DACT2: variants seen among roughly 807,000 people sequenced by gnomAD.
DACT2 encodes the protein dishevelled binding antagonist of beta catenin 2, also known as dapper homolog 2.
In DACT2, 20 loss-of-function variants were observed where a neutral mutation model predicts 22.2. The observed-to-expected ratio is 0.90, with a 90% CI of 0.63 to 1.31. DACT2 has a LOEUF of 1.31. Among genes scored for constraint, DACT2 ranks in the 50% most tolerant of loss-of-function variants. The probability of loss-of-function intolerance (pLI) is 0.00; values close to 1 mark genes in which losing one functional copy is unlikely to be tolerated. For synonymous variants in DACT2, 463 were observed against 479.8 expected (o/e 0.96, Z 0.46); for missense variants, 1,048 against 1,061.4 (o/e 0.99, Z 0.18).
intron 3 of DACT2, among the ~76,000 whole-genome samples, chr6:168,294,987 G>A (rs1404900345): frequency 2.6e-5 from 4 of 152,182 alleles, no homozygotes; most frequent in African/African-American, 4.8e-5. Flanking sequence ...TCACAGCACC[G>A]AGTCTTGCTT....
chr6:168,313,699 AG>A (rs555609213), intron 1 of DACT2, among the ~76,000 whole-genome samples: 62 of 152,280 alleles, frequency 4.1e-4, no homozygotes, highest in African/African-American at 1.4e-3. Flanking sequence ...AACGTTTAAA[AG>A]GATCTAAGTG....
At chr6:168,297,865 G>A (rs151148035) in intron 3 of DACT2, among the ~76,000 whole-genome samples, 206 of 152,378 alleles carry the variant, frequency 1.4e-3, no homozygotes, top group Admixed American at 2.0e-3. Flanking sequence ...AGGGCAGCAC[G>A]GGGCAGACAC....
At chr6:168,311,615 AACAC>A (rs199973638) in intron 1 of DACT2, among the ~76,000 whole-genome samples, 4 of 48,228 alleles carry the variant, frequency 8.3e-5, no homozygotes, top group Non-Finnish European at 1.2e-4. Flanking sequence ...CACTCACACA[AACAC>A]ACACACACCC....
At chr6:168,313,663 TA>T (rs1779477378) in intron 1 of DACT2, among the ~76,000 whole-genome samples, 1 of 152,150 alleles carries the variant, frequency 6.6e-6, no homozygotes, top group African/African-American at 2.4e-5. Flanking sequence ...GACAGAAAAT[TA>T]AGTTCCTTTG....
chr6:168,308,028 C>T lies in DACT2; in HGVS notation c.1729G>A (p.Val577Met). The change falls in exon 4 of 4, where the codon GTG becomes ATG. Residue 577 changes from valine to methionine, a missense_variant. Val to Met is a conservative substitution (Grantham distance 21, BLOSUM62 1). Coordinates refer to ENST00000366795, the MANE Select transcript of DACT2 (RefSeq NM_214462.5). Reference protein sequence around the residue: ...YPMPVLVPLAVAPQESHRTSA... With the variant: ...YPMPVLVPLAMAPQESHRTSA... ...GTCCGGTGGCTCTCCTGCGGGGCCACTGCCAAGGGGACGAGGACAGGCATG... is the reference window on the plus strand; with the variant it reads ...GTCCGGTGGCTCTCCTGCGGGGCCATTGCCAAGGGGACGAGGACAGGCATG... 1 of 1,549,906 alleles carries T rather than the reference C, an allele frequency of 6.5e-7. No individual in the cohort carries two copies. The highest frequency in any genetic ancestry group is 1.2e-5 in the South Asian group (1 of 83,796).
At chr6:168,304,964 G>A (rs766110601), downstream of DACT2, among the ~76,000 whole-genome samples, 5 of 152,238 alleles carry the variant, frequency 3.3e-5, no homozygotes, top group Admixed American at 6.5e-5. Flanking sequence ...CTACTGGAGA[G>A]TAGAAGAGCA....
chr6:168,319,523 G>A lies in DACT2; in HGVS notation c.111C>T (p.Ala37=). The A allele has an allele frequency of 2.2e-6, 3 of 1,357,822 alleles. No individual in the cohort carries two copies. Among genetic ancestry groups the A allele is most frequent in the Non-Finnish European group, 2.9e-6 (3 of 1,046,950 alleles). 84.1% of individuals were successfully genotyped at this position (1,357,822 alleles called of 1,614,324 possible). Residue 37 remains alanine (A), a synonymous_variant, in exon 1 of 4, where the codon GCC becomes GCT. Coordinates refer to ENST00000366795, the MANE Select transcript of DACT2 (RefSeq NM_214462.5). ...CGCCCCGTACCCGCTCCTGCTGCGTGGCTCGCAGCCCCTGCAGCTCCTGCA... is the reference window on the plus strand; with the variant it reads ...CGCCCCGTACCCGCTCCTGCTGCGTAGCTCGCAGCCCCTGCAGCTCCTGCA... ...AGLQELQGLR[A]TQQERVRGAL...
chr6:168,314,382 G>A (rs1200939008), intron 1 of DACT2, among the ~76,000 whole-genome samples: 1 of 152,120 alleles, frequency 6.6e-6, no homozygotes, highest in Non-Finnish European at 1.5e-5. Flanking sequence ...CCAGGCAGTG[G>A]GATCAGCTGG....
At chr6:168,315,976 G>A (rs1213228570) in intron 1 of DACT2, among the ~76,000 whole-genome samples, 1 of 152,170 alleles carries the variant, frequency 6.6e-6, no homozygotes, top group Non-Finnish European at 1.5e-5. Flanking sequence ...TAAGCCCTGG[G>A]CTGATGTCAC....
intron 3 of DACT2, among the ~76,000 whole-genome samples, chr6:168,297,135 A>T (rs1779022368): frequency 1.3e-5 from 2 of 152,216 alleles, no homozygotes; most frequent in Non-Finnish European, 2.9e-5. Flanking sequence ...AAGGCCTGAC[A>T]ATACCATGTT....
chr6:168,309,171 G>T, intron 3 of DACT2, 73 bp from the exon 4 acceptor site: 2 of 1,441,920 alleles, frequency 1.4e-6, no homozygotes, highest in Non-Finnish European at 1.8e-6. Flanking sequence ...CATTTCATGC[G>T]TGGCAGCTGG....
At chr6:168,311,947 G>T (rs866118082) in intron 1 of DACT2, among the ~76,000 whole-genome samples, 1 of 152,052 alleles carries the variant, frequency 6.6e-6, no homozygotes, top group Admixed American at 6.5e-5. Context: ...CCTTTCACTC[G>T]GCCGCCTCTG....
exon 6 of DACT2, chr6:168,292,936 T>C (rs1038732673): frequency 1.3e-5 from 2 of 152,194 alleles, no homozygotes; most frequent in Admixed American, 6.5e-5. Flanking sequence ...GAGTATTATA[T>C]GAAAGAAATT....
In DACT2 at chr6:168,307,453, C is replaced by G. The variant is rs1306409638; in HGVS notation, c.2304G>C (p.Leu768=). ...KKIRRFQPTA[L]KVMTMV ...CACCTCACACCATGGTCATGACCTT[C>G]AGGGCCGTCGGCTGGAACCTGCGGA... is the stretch of plus-strand genomic sequence containing the variant. Residue 768 remains leucine (L), a synonymous_variant, in exon 4 of 4, where the codon CTG becomes CTC. Coordinates refer to ENST00000366795, the MANE Select transcript of DACT2 (RefSeq NM_214462.5). The surrounding 1 kb of genome is among the most constrained non-coding windows in gnomAD (Gnocchi z 5.3). The G allele has an allele frequency of 6.4e-7, 1 of 1,551,712 alleles. No individual in the cohort carries two copies. The highest frequency in any genetic ancestry group is 2.4e-5 in the East Asian group (1 of 40,894).
At chr6:168,306,849 A>T, downstream of DACT2, 1 of 978,362 alleles carries the variant, frequency 1.0e-6, no homozygotes, top group Non-Finnish European at 1.2e-6. Flanking sequence ...ATGGGCAGGC[A>T]TGATGATTAT....
At chr6:168,310,114 C>T in intron 3 of DACT2, 54 bp downstream of exon 3, 1 of 1,540,798 alleles carries the variant, frequency 6.5e-7, no homozygotes. Flanking sequence ...GGACTGCACT[C>T]TGCCATCCCC....
chr6:168,312,244 G>A (rs1332425546), intron 1 of DACT2, among the ~76,000 whole-genome samples: 1 of 152,188 alleles, frequency 6.6e-6, no homozygotes, highest in Non-Finnish European at 1.5e-5. Flanking sequence ...TGCCCAGGCT[G>A]GAGTGCAGTG....
At chr6:168,314,157 T>C (rs1056480935) in intron 1 of DACT2, among the ~76,000 whole-genome samples, 1 of 152,172 alleles carries the variant, frequency 6.6e-6, no homozygotes, top group Non-Finnish European at 1.5e-5. Flanking sequence ...AGGCCAGCCC[T>C]AGAGCGTGAT....
intron 3 of DACT2, among the ~76,000 whole-genome samples, chr6:168,295,744 A>G (rs771863124): frequency 6.6e-6 from 1 of 152,226 alleles, no homozygotes; most frequent in Admixed American, 6.5e-5. Context: ...TGTGATCCAC[A>G]CAGGTATAAA....
Sources: allele counts gnomAD v4.1 joint callset (sites outside exome capture counted in the v4.1 genomes callset), GRCh38; gene constraint gnomAD v4.1.1; non-coding constraint Gnocchi (gnomAD v3.1); transcripts MANE v1.5; gene names NCBI Gene and HGNC (gene_info 2026-07-23, HGNC 2026-07-21).